The following RASAL2 variants were observed in gnomAD, a reference collection of about 807,000 sequenced individuals.
RASAL2 encodes the protein ras GTPase-activating protein nGAP.
Under a neutral mutation model 128.9 loss-of-function variants are expected in RASAL2, and 58 were observed. That is an observed-to-expected ratio of 0.45 (90% CI 0.36 to 0.56). The LOEUF (loss-of-function observed/expected upper bound fraction) is 0.56. RASAL2 is among the 20% of genes least tolerant of loss of function. RASAL2 has a pLI of 0.00. For missense variants in RASAL2, 1,360 were observed against 1,601.6 expected, an observed-to-expected ratio of 0.85 and a Z score of 2.57; for synonymous variants, 561 against 580.8, an observed-to-expected ratio of 0.97 and a Z score of 0.49.
chr1:178,126,305 T>C (rs1659898309), intron 1 of RASAL2, among the ~76,000 whole-genome samples: 1 of 152,214 alleles, frequency 6.6e-6, no homozygotes, highest in Non-Finnish European at 1.5e-5. Flanking sequence ...CATGTAAAGA[T>C]ATATAATGTA....
At chr1:178,179,595 T>C (rs937237587) in intron 1 of RASAL2, among the ~76,000 whole-genome samples, 2 of 152,044 alleles carry the variant, frequency 1.3e-5, no homozygotes, top group African/African-American at 4.8e-5. Context: ...GTAGATCGTT[T>C]GGAGGTGGAA....
intron 1 of RASAL2, among the ~76,000 whole-genome samples, chr1:178,200,692 A>C (rs1021256737): frequency 3.9e-5 from 6 of 152,184 alleles, no homozygotes; most frequent in African/African-American, 1.4e-4. Flanking sequence ...CCAGGTGTCT[A>C]CTATTAAAGT....
At chr1:178,331,232 T>A (rs951524370) in intron 3 of RASAL2, among the ~76,000 whole-genome samples, 1 of 152,200 alleles carries the variant, frequency 6.6e-6, no homozygotes, top group Non-Finnish European at 1.5e-5. Flanking sequence ...CAGGCCAAGA[T>A]ACAGTGCTGC....
rs577698678 is a variant in RASAL2 at position 178,132,922 on chromosome 1, C to T, written c.202+38228C>T. ...TAGCTGGGACCGCAGGTATGTGCCACCATACCTAGCTAATTTTTGTATTTT... is the reference window on the plus strand; with the variant it reads ...TAGCTGGGACCGCAGGTATGTGCCATCATACCTAGCTAATTTTTGTATTTT... On this transcript the variant is annotated intron_variant, in intron 1 of 17. Transcript: ENST00000367649. Among the ~76,000 whole-genome samples the T allele has an allele frequency of 2.6e-5, 4 of 152,170 alleles. No homozygotes were observed. In the South Asian group the frequency reaches 6.2e-4, roughly 24 times the overall value.
Position 178,390,089 on chromosome 1 carries a change from CT to C in RASAL2, c.458-5del. 4 of 1,578,342 alleles carry C rather than the reference CT, an allele frequency of 2.5e-6. No individual in the cohort carries two copies. The highest frequency in any genetic ancestry group is 1.2e-5 in the South Asian group (1 of 85,744). On this transcript the variant is annotated splice_polypyrimidine_tract_variant and intron_variant, in intron 3 of 17. Transcript: ENST00000367649. ...TCTTAATGATGTTTCAACTTTCCTC[CT>C]TTTTTCCAGAGGTACCAGCAGAAAG...
intron 11 of RASAL2, among the ~76,000 whole-genome samples, 191 bp downstream of exon 11, chr1:178,452,843 G>T (rs1336289770): frequency 1.3e-5 from 2 of 152,046 alleles, no homozygotes; most frequent in Non-Finnish European, 2.9e-5. Context: ...TATGATACAT[G>T]CATTCAATGG....
chr1:178,393,548 C>T (rs2102619411), intron 4 of RASAL2, among the ~76,000 whole-genome samples: 1 of 152,338 alleles, frequency 6.6e-6, no homozygotes, highest in South Asian at 2.1e-4. Context: ...TACTCGCTCA[C>T]CTGCTGCTCA....
chr1:178,102,037 A>G (rs1448565650), intron 1 of RASAL2, among the ~76,000 whole-genome samples: 1 of 142,280 alleles, frequency 7.0e-6, no homozygotes, highest in Non-Finnish European at 1.6e-5. Flanking sequence ...TTTTTTTCAT[A>G]TTTTTCCTAA....
chr1:178,119,303 C>T (rs1318379316), intron 1 of RASAL2, among the ~76,000 whole-genome samples: 2 of 152,188 alleles, frequency 1.3e-5, no homozygotes, highest in Non-Finnish European at 2.9e-5. Context: ...AGAAAGCCAT[C>T]TCACTTCTGT....
intron 3 of RASAL2, among the ~76,000 whole-genome samples, chr1:178,314,054 T>A (rs1668382538): frequency 6.6e-6 from 1 of 152,232 alleles, no homozygotes; most frequent in Admixed American, 6.5e-5. Flanking sequence ...CTGCAGACCA[T>A]AAATGCTGTG....
chr1:178,180,884 A>G (rs1662084926), intron 1 of RASAL2, among the ~76,000 whole-genome samples: 1 of 152,022 alleles, frequency 6.6e-6, no homozygotes, highest in African/African-American at 2.4e-5. Context: ...AGCTGGGGAG[A>G]AGAAACCACT....
intron 1 of RASAL2, among the ~76,000 whole-genome samples, chr1:178,260,713 A>G (rs890359009): frequency 6.6e-5 from 10 of 152,056 alleles, no homozygotes; most frequent in African/African-American, 2.2e-4. Flanking sequence ...GACTTGCTGG[A>G]TTAACTGACA....
At chr1:178,280,786 A>C (rs1666745228) in intron 1 of RASAL2, among the ~76,000 whole-genome samples, 1 of 152,100 alleles carries the variant, frequency 6.6e-6, no homozygotes. Context: ...GTGTGATTCT[A>C]AGTTAGTTAT....
At chr1:178,458,702 G>A (rs1329814003) in intron 14 of RASAL2, among the ~76,000 whole-genome samples, 158 bp downstream of exon 14, 1 of 152,150 alleles carries the variant, frequency 6.6e-6, no homozygotes, top group Non-Finnish European at 1.5e-5. Context: ...GGAGGCTTCT[G>A]CCCAGGTGTG....
At chr1:178,208,485 C>G (rs977172913) in intron 1 of RASAL2, among the ~76,000 whole-genome samples, 1 of 152,048 alleles carries the variant, frequency 6.6e-6, no homozygotes, top group African/African-American at 2.4e-5. Context: ...AAAAAAACTC[C>G]GCGCTAGTAA....
intron 3 of RASAL2, among the ~76,000 whole-genome samples, chr1:178,337,049 A>G (rs963806060): frequency 4.0e-5 from 6 of 151,896 alleles, no homozygotes; most frequent in African/African-American, 7.3e-5. Context: ...CCTACTCCCT[A>G]TAATACTTCC....
At chr1:178,103,344 A>C (rs1235562542) in intron 1 of RASAL2, among the ~76,000 whole-genome samples, 1 of 152,166 alleles carries the variant, frequency 6.6e-6, no homozygotes, top group African/African-American at 2.4e-5. Flanking sequence ...GCAGTGAATG[A>C]TCTTGAGTAT....
chr1:178,106,921 T>G (rs1044173019), intron 1 of RASAL2, among the ~76,000 whole-genome samples: 1 of 152,222 alleles, frequency 6.6e-6, no homozygotes, highest in African/African-American at 2.4e-5. Flanking sequence ...ATCTATTAGC[T>G]GATCATCTTT....
intron 17 of RASAL2, among the ~76,000 whole-genome samples, chr1:178,467,744 A>G (rs757372730): frequency 7.2e-5 from 11 of 152,340 alleles, no homozygotes; most frequent in Admixed American, 1.3e-4. Flanking sequence ...TGAAAAGTGC[A>G]CTGCATGTGC....
Sources: gnomAD v4.1 joint callset for allele counts (sites outside exome capture counted in the v4.1 genomes callset) on GRCh38, gnomAD v4.1.1 for gene constraint, MANE v1.5 for transcripts, NCBI Gene and HGNC (gene_info 2026-07-23, HGNC 2026-07-21) for gene names.